The following NHS variants were observed in gnomAD, a reference collection of about 807,000 sequenced individuals.
NHS encodes the protein NHS actin remodeling regulator.
A neutral mutation model predicts 72.5 loss-of-function variants in NHS; 5 were observed. That is an observed-to-expected ratio of 0.07 (90% CI 0.04 to 0.14). The LOEUF (loss-of-function observed/expected upper bound fraction) is 0.14. Among genes scored for constraint, NHS ranks in the 10% least tolerant of loss-of-function variants. The probability of loss-of-function intolerance (pLI) is 1.00; values close to 1 mark genes in which losing one functional copy is unlikely to be tolerated. For missense variants in NHS, 1,072 were observed against 1,355.7 expected (o/e 0.79, Z 3.29); for synonymous variants, 464 against 547.7 (o/e 0.85, Z 2.13).
chrX:17,405,843 C>T lies in NHS; in HGVS notation c.565+29521C>T, dbSNP rs770534347. ...GAGAGAACAGGTGTGTAATAGCACA[C>T]GTGACGTGTCCACTCTCTGTTTCAC... is the stretch of plus-strand genomic sequence containing the variant. On this transcript the variant is annotated intron_variant, in intron 1 of 8. Transcript: ENST00000676302. 8.0e-5 allele frequency among the ~76,000 whole-genome samples: 9 copies of T among 112,017 alleles called. 1 individual carries two copies. The East Asian group carries it at 1.1e-3, about 14-fold the overall frequency.
intron 1 of NHS, among the ~76,000 whole-genome samples, chrX:17,455,117 C>T (rs1358983296): frequency 5.4e-5 from 6 of 111,434 alleles, no homozygotes; most frequent in Non-Finnish European, 1.1e-4. Flanking sequence ...AGTGGAATTG[C>T]CCTTTAATTT....
chrX:17,640,651 C>A (rs1415987710), intron 1 of NHS, among the ~76,000 whole-genome samples: 1 of 112,472 alleles, frequency 8.9e-6, no homozygotes, highest in African/African-American at 3.2e-5. Flanking sequence ...GTAAATCACT[C>A]TTCTCTCACC....
At position 17,568,520 on chromosome X, in the gene NHS, CT is replaced by C. The variant is rs201549928; in HGVS notation, c.566-119208del. 3.0e-3 allele frequency among the ~76,000 whole-genome samples: 292 copies of C among 97,793 alleles called. 1 individual carries two copies. Among genetic ancestry groups the C allele is most frequent in the East Asian group, 6.0e-3 (19 of 3,193 alleles). 84.9% of individuals were successfully genotyped at this position (97,793 alleles called of 115,157 possible). Reference sequence around the variant, plus strand: ...GTGCTGGGAACTATTCTAAGTAAATCTTTTTTTTTTTTTTGTATTAATGAAA... The same window carrying C: ...GTGCTGGGAACTATTCTAAGTAAATCTTTTTTTTTTTTTGTATTAATGAAA... On this transcript the variant is annotated intron_variant, in intron 1 of 8. Coordinates refer to ENST00000676302, the MANE Select transcript of NHS (RefSeq NM_001291867.2).
intron 1 of NHS, among the ~76,000 whole-genome samples, chrX:17,395,562 G>C (rs1285408260): frequency 8.9e-6 from 1 of 112,239 alleles, no homozygotes; most frequent in East Asian, 2.8e-4. Flanking sequence ...GTTGCTTGAA[G>C]GCTGGTGTAA....
chrX:17,545,722 G>C (rs772496736), intron 1 of NHS, among the ~76,000 whole-genome samples: 2 of 111,929 alleles, frequency 1.8e-5, no homozygotes, highest in Non-Finnish European at 3.8e-5. Context: ...GAGGCATTTT[G>C]TCTGTTCTCT....
intron 3 of NHS, among the ~76,000 whole-genome samples, chrX:17,718,210 C>T (rs1362629196): frequency 9.1e-6 from 1 of 109,460 alleles, no homozygotes; most frequent in Non-Finnish European, 1.9e-5. Flanking sequence ...TGAGGAATTG[C>T]CCCTGGCCAC....
At chrX:17,519,346 A>G (rs2065136200) in intron 1 of NHS, among the ~76,000 whole-genome samples, 1 of 112,551 alleles carries the variant, frequency 8.9e-6, no homozygotes, top group Non-Finnish European at 1.9e-5. Context: ...CATCTCCAGT[A>G]TGGAAGGCTT....
chrX:17,436,725 A>T (rs1165220492), intron 1 of NHS, among the ~76,000 whole-genome samples: 1 of 109,256 alleles, frequency 9.2e-6, no homozygotes, highest in African/African-American at 3.3e-5. Context: ...CAGATATGTG[A>T]GTGTAATATC....
intron 1 of NHS, among the ~76,000 whole-genome samples, chrX:17,389,069 T>A (rs1436049310): frequency 3.6e-5 from 4 of 111,816 alleles, no homozygotes; most frequent in Non-Finnish European, 7.5e-5. Context: ...TCTCCTACGG[T>A]CTTGTTGATT....
chrX:17,613,278 C>T (rs2065719728), intron 1 of NHS, among the ~76,000 whole-genome samples: 4 of 111,144 alleles, frequency 3.6e-5, no homozygotes. Context: ...GAGGCTGAGG[C>T]AGGAGAATCG....
At chrX:17,468,435 CT>C (rs111242997) in intron 1 of NHS, among the ~76,000 whole-genome samples, 145 of 102,233 alleles carry the variant, frequency 1.4e-3, no homozygotes, top group African/African-American at 2.0e-3. Context: ...TGGGAGAGAG[CT>C]TTTTTTTTTT....
At chrX:17,697,042 C>T (rs2066235173) in intron 3 of NHS, among the ~76,000 whole-genome samples, 2 of 110,726 alleles carry the variant, frequency 1.8e-5, no homozygotes, top group Admixed American at 9.6e-5. Flanking sequence ...AAAAATACTA[C>T]AGATTTTTTC....
chrX:17,472,448 C>A (rs1219755728), intron 1 of NHS, among the ~76,000 whole-genome samples: 1 of 111,464 alleles, frequency 9.0e-6, no homozygotes, highest in Non-Finnish European at 1.9e-5. Context: ...CAACCCCATT[C>A]TTCAGGCTCC....
At chrX:17,575,839 CT>C (rs1351416834) in intron 1 of NHS, among the ~76,000 whole-genome samples, 1 of 111,595 alleles carries the variant, frequency 9.0e-6, no homozygotes, top group Non-Finnish European at 1.9e-5. Flanking sequence ...ATGGCTGGGG[CT>C]CAGCTCCTCT....
intron 3 of NHS, among the ~76,000 whole-genome samples, chrX:17,712,873 G>A (rs2147130879): frequency 9.0e-6 from 1 of 111,501 alleles, no homozygotes; most frequent in African/African-American, 3.3e-5. Context: ...AGAGAGTGGT[G>A]ACAAAGGTCA....
Position 17,513,673 on chromosome X carries a change from G to A in NHS, c.565+137351G>A, listed in dbSNP as rs564493622. 7.2e-5 allele frequency among the ~76,000 whole-genome samples: 8 copies of A among 111,817 alleles called. No homozygotes were observed. The South Asian group carries it at 2.3e-3, about 32-fold the overall frequency. On this transcript the variant is annotated intron_variant, in intron 1 of 8. Coordinates refer to ENST00000676302, the MANE Select transcript of NHS (RefSeq NM_001291867.2). ...CTCAAGGTTGAGACTCACTGGTTTC[G>A]ACCAGTGGGTCTCAACTGGGGCCAG...
chrX:17,650,100 G>A (rs2065923946), intron 1 of NHS, among the ~76,000 whole-genome samples: 1 of 112,451 alleles, frequency 8.9e-6, no homozygotes, highest in South Asian at 3.7e-4. Flanking sequence ...GTAAACATAA[G>A]GAGAGAATGG....
chrX:17,602,834 ATTTTTTTT>A (rs34067989), intron 1 of NHS, among the ~76,000 whole-genome samples: 3 of 83,273 alleles, frequency 3.6e-5, no homozygotes, highest in African/African-American at 1.5e-4. Flanking sequence ...CACAACTACA[ATTTTTTTT>A]TTTTTTTTTT....
At chrX:17,550,148 C>T (rs2065325092) in intron 1 of NHS, among the ~76,000 whole-genome samples, 1 of 112,005 alleles carries the variant, frequency 8.9e-6, no homozygotes, top group African/African-American at 3.2e-5. Flanking sequence ...AGCATGCGCA[C>T]GTGCACACAC....
Sources: gnomAD v4.1 joint callset for allele counts (sites outside exome capture counted in the v4.1 genomes callset) on GRCh38, gnomAD v4.1.1 for gene constraint, MANE v1.5 for transcripts, NCBI Gene and HGNC (gene_info 2026-07-23, HGNC 2026-07-21) for gene names.